EVC2: variants seen among roughly 807,000 people sequenced by gnomAD.
The protein encoded by EVC2 is limbin.
A neutral mutation model predicts 149.3 loss-of-function variants in EVC2; 148 were observed. That is an observed-to-expected ratio of 0.99 (90% CI 0.87 to 1.14). The LOEUF is 1.14. EVC2 is among the 50% of genes most tolerant of loss of function. The probability of loss-of-function intolerance (pLI) is 0.00; values close to 1 mark genes in which losing one functional copy is unlikely to be tolerated. For synonymous variants in EVC2, 776 were observed against 649.9 expected (o/e 1.19, Z -2.95); for missense variants, 1,854 against 1,627.3 (o/e 1.14, Z -2.40).
chr4:5,620,897 T>C (rs1177223844), intron 14 of EVC2, among the ~76,000 whole-genome samples: 2 of 152,224 alleles, frequency 1.3e-5, no homozygotes, highest in Admixed American at 6.5e-5. Flanking sequence ...TTTTCTGGAA[T>C]GTAGGCTAAG....
At chr4:5,586,778 C>T (rs1440082094) in intron 16 of EVC2, among the ~76,000 whole-genome samples, 1 of 152,150 alleles carries the variant, frequency 6.6e-6, no homozygotes, top group Non-Finnish European at 1.5e-5. Flanking sequence ...CTTTTCTGGA[C>T]CAAACCAATG....
At chr4:5,615,331 C>G in intron 16 of EVC2, 91 bp downstream of exon 16, 2 of 1,595,056 alleles carry the variant, frequency 1.3e-6, no homozygotes, top group Admixed American at 1.7e-5. Context: ...GGCACAGCCC[C>G]AAGGGCTCTG....
At chr4:5,546,898 C>T (rs944387273) in intron 21 of EVC2, among the ~76,000 whole-genome samples, 1 of 152,122 alleles carries the variant, frequency 6.6e-6, no homozygotes, top group African/African-American at 2.4e-5. Context: ...CCTGCACCTT[C>T]CAGATTGGTG....
At chr4:5,638,568 G>A (rs1263063449) in intron 10 of EVC2, among the ~76,000 whole-genome samples, 2 of 152,004 alleles carry the variant, frequency 1.3e-5, no homozygotes, top group Admixed American at 6.6e-5. Context: ...GGGCAGTGTC[G>A]GTGAGGGAGG....
chr4:5,574,979 A>G (rs1284899706), intron 18 of EVC2, among the ~76,000 whole-genome samples: 2 of 152,170 alleles, frequency 1.3e-5, no homozygotes, highest in South Asian at 2.1e-4. Flanking sequence ...GTTTCCTCAG[A>G]AGGAGGCTCC....
At chr4:5,687,187 G>A (rs998512807) in intron 5 of EVC2, among the ~76,000 whole-genome samples, 1 of 152,170 alleles carries the variant, frequency 6.6e-6, no homozygotes, top group Non-Finnish European at 1.5e-5. Flanking sequence ...AATTCGGCAG[G>A]TGGAGGTTGC....
At chr4:5,603,134 C>T (rs114906075) in intron 16 of EVC2, among the ~76,000 whole-genome samples, 1 of 152,114 alleles carries the variant, frequency 6.6e-6, no homozygotes, top group African/African-American at 2.4e-5. Flanking sequence ...CAAAGATAGC[C>T]AGGGTAACCT....
At chr4:5,587,300 C>T (rs899098409) in intron 16 of EVC2, among the ~76,000 whole-genome samples, 3 of 152,302 alleles carry the variant, frequency 2.0e-5, no homozygotes, top group African/African-American at 7.2e-5. Flanking sequence ...TTGGCAACTA[C>T]CAATCTTCTG....
At chr4:5,644,128 G>A (rs2076936267) in intron 9 of EVC2, among the ~76,000 whole-genome samples, 2 of 152,026 alleles carry the variant, frequency 1.3e-5, no homozygotes, top group African/African-American at 4.8e-5. Context: ...CCTGCAGAAT[G>A]TCCCATGTTC....
At chr4:5,663,747 CCT>C (rs1384838531) in intron 8 of EVC2, among the ~76,000 whole-genome samples, 1 of 152,074 alleles carries the variant, frequency 6.6e-6, no homozygotes, top group Non-Finnish European at 1.5e-5. Flanking sequence ...ACGGTGAAAC[CCT>C]GTCTCTACTA....
At chr4:5,666,930 T>C (rs1487798236) in intron 7 of EVC2, among the ~76,000 whole-genome samples, 2 of 152,206 alleles carry the variant, frequency 1.3e-5, no homozygotes, top group Admixed American at 6.5e-5. Context: ...ACATAATTCA[T>C]GGCTAAAATA....
intron 9 of EVC2, among the ~76,000 whole-genome samples, chr4:5,650,632 T>TAGAGAGAG (rs1225235146): frequency 5.9e-4 from 36 of 61,534 alleles, no homozygotes; most frequent in Non-Finnish European, 9.6e-4. Flanking sequence ...TATATATATA[T>TAGAGAGAG]ATATATAGAG....
Position 5,663,125 on chromosome 4 carries a change from A to G in EVC2, c.1127T>C (p.Met376Thr), listed in dbSNP as rs1719013002. 1.9e-6 allele frequency: 3 copies of G among 1,614,152 alleles called. No individual in the cohort carries two copies. Residue 376 changes from methionine (M) to threonine (T), a missense_variant, in exon 9 of 22, where the codon ATG (methionine) becomes ACG (threonine). Met to Thr is a moderately conservative substitution (Grantham distance 81). Transcript: ENST00000344408. Reference sequence around the variant, plus strand: ...TTCTTACTCTTCTAAGGCTTGAAGCATGCTCCCAGGGTCCTCGGAAGACAG... The same window carrying G: ...TTCTTACTCTTCTAAGGCTTGAAGCGTGCTCCCAGGGTCCTCGGAAGACAG... ...DILSSEDPGS[M>T]LQALEELEIA...
At chr4:5,628,115 G>C (rs1306411978) in intron 12 of EVC2, among the ~76,000 whole-genome samples, 4 of 152,150 alleles carry the variant, frequency 2.6e-5, no homozygotes, top group Admixed American at 2.0e-4. Flanking sequence ...GGAGCAGTCA[G>C]CACATACGCT....
At position 5,569,918 on chromosome 4, in the gene EVC2, T is replaced by A. The variant is rs1722548062; in HGVS notation, c.3361-1278A>T. On this transcript the variant is annotated intron_variant, in intron 19 of 21. Transcript: ENST00000344408. This position sits in a 1 kb window ranked among gnomAD's most constrained non-coding sequence, Gnocchi z 4.8. ...CACTGTCACACTGAAATACTTGTTC[T>A]TCCCTGACCGTCCTGCTCGCCCAGG... Among the ~76,000 whole-genome samples the A allele has an allele frequency of 6.6e-6, 1 of 152,178 alleles. No individual in the cohort carries two copies. The highest frequency in any genetic ancestry group is 1.5e-5 in the Non-Finnish European group (1 of 68,014).
At chr4:5,542,884 G>A (rs1721541709) in exon 23 of EVC2, 1 of 320,994 alleles carries the variant, frequency 3.1e-6, no homozygotes, top group African/African-American at 2.2e-5. Context: ...AGCTCTCCCA[G>A]GCCCTTCCTT....
chr4:5,552,985 T>C (rs985094117), intron 21 of EVC2, among the ~76,000 whole-genome samples: 5 of 152,148 alleles, frequency 3.3e-5, no homozygotes, highest in African/African-American at 1.2e-4. Flanking sequence ...TTCCCTCTGG[T>C]GTGTGATAGA....
At chr4:5,539,867 A>G (rs1721484879), downstream of EVC2, among the ~76,000 whole-genome samples, 2 of 152,182 alleles carry the variant, frequency 1.3e-5, no homozygotes, top group Non-Finnish European at 2.9e-5. Context: ...TAAAAGAAAA[A>G]GTTGACAAAT....
Position 5,708,478 on chromosome 4 carries a change from C to T in EVC2, c.36G>A (p.Trp12Ter). The T allele has an allele frequency of 6.7e-7, 1 of 1,488,862 alleles. No homozygotes were observed. The highest frequency in any genetic ancestry group is 2.8e-5 in the East Asian group (1 of 35,498). The allele number at this position is 1,488,862 out of a possible 1,614,324, so 92.2% of individuals were successfully genotyped here. Residue 12 changes from tryptophan (W) to a stop codon, truncating the protein, a stop_gained, in exon 1 of 22, where the codon TGG becomes TGA. Transcript: ENST00000344408. LOFTEE classifies it high-confidence loss of function. ...DPSGSRGRPT[W>*]VLAGGLLAVA... is the part of the protein sequence containing the mutation. ...CTGCCAGGAGACCCCCGGCCAGCAC[C>T]CACGTGGGGCGCCCCCGGGAGCCCG...
Sources: gnomAD v4.1 joint callset for allele counts (sites outside exome capture counted in the v4.1 genomes callset) on GRCh38, gnomAD v4.1.1 for gene constraint, Gnocchi (gnomAD v3.1) non-coding constraint, MANE v1.5 for transcripts, NCBI Gene and HGNC (gene_info 2026-07-23, HGNC 2026-07-21) for gene names.